SRGAP1: variants seen among roughly 807,000 people sequenced by gnomAD.
SRGAP1 encodes SLIT-ROBO Rho GTPase activating protein 1.
SRGAP1 carries 43 observed loss-of-function variants against 121.9 expected under a neutral mutation model. The ratio of observed to expected loss-of-function variants is 0.35; its 90% CI spans 0.28 to 0.46. SRGAP1 has a LOEUF of 0.46. Among genes scored for constraint, SRGAP1 ranks in the 20% least tolerant of loss-of-function variants. The probability of loss-of-function intolerance (pLI) is 1.00; values close to 1 mark genes in which losing one functional copy is unlikely to be tolerated. For synonymous variants in SRGAP1, 447 were observed against 485.4 expected, an observed-to-expected ratio of 0.92 and a Z score of 1.04; for missense variants, 1,102 against 1,350.9, an observed-to-expected ratio of 0.82 and a Z score of 2.89.
intron 1 of SRGAP1, among the ~76,000 whole-genome samples, chr12:63,963,589 G>A (rs995935651): frequency 1.2e-4 from 19 of 152,070 alleles, no homozygotes; most frequent in Non-Finnish European, 2.2e-4. Context: ...ATACAATAAT[G>A]TATTGTTAAC....
At chr12:63,969,867 A>G (rs2136390751) in intron 1 of SRGAP1, among the ~76,000 whole-genome samples, 1 of 151,822 alleles carries the variant, frequency 6.6e-6, no homozygotes, top group South Asian at 2.1e-4. Flanking sequence ...CTCTCTTGAA[A>G]TCCCACTAGA....
chr12:63,986,008 G>T (rs190743733), intron 2 of SRGAP1, among the ~76,000 whole-genome samples: 2 of 152,272 alleles, frequency 1.3e-5, no homozygotes, highest in Admixed American at 6.5e-5. Context: ...GGCTACTTGT[G>T]CAGAAGCAAA....
chr12:63,903,499 G>C (rs2030038801), intron 1 of SRGAP1, among the ~76,000 whole-genome samples: 1 of 151,972 alleles, frequency 6.6e-6, no homozygotes, highest in Non-Finnish European at 1.5e-5. Flanking sequence ...GCCTGACTCA[G>C]CCTCCCAAAG....
chr12:64,131,832 A>T (rs2036789275), intron 21 of SRGAP1, among the ~76,000 whole-genome samples: 1 of 152,212 alleles, frequency 6.6e-6, no homozygotes, highest in South Asian at 2.1e-4. Context: ...CCATGGTCAA[A>T]CGTTCAGTTT....
chr12:63,881,472 A>T (rs1352678618), intron 1 of SRGAP1, among the ~76,000 whole-genome samples: 1 of 152,214 alleles, frequency 6.6e-6, no homozygotes, highest in Non-Finnish European at 1.5e-5. Context: ...CTGACTAAAT[A>T]GTGACTTTAG....
intron 8 of SRGAP1, among the ~76,000 whole-genome samples, chr12:64,072,651 C>T (rs2035664338): frequency 6.6e-6 from 1 of 152,130 alleles, no homozygotes; most frequent in Non-Finnish European, 1.5e-5. Flanking sequence ...CCTCCCATCC[C>T]TCAGAAAGAA....
chr12:64,087,586 A>C (rs1403693879), intron 11 of SRGAP1, among the ~76,000 whole-genome samples: 8 of 151,950 alleles, frequency 5.3e-5, no homozygotes, highest in Non-Finnish European at 1.2e-4. Flanking sequence ...ATACCAAAAA[A>C]TTAGCCGGGC....
rs12370709 is a variant in SRGAP1 at position 64,003,089 on chromosome 12, T to A, written c.426+13017T>A. On this transcript the variant is annotated intron_variant, in intron 3 of 21. Coordinates refer to ENST00000355086, the MANE Select transcript of SRGAP1 (RefSeq NM_020762.4). ...AAGGGAGGGAGGGAGGAAGGGAGGG[T>A]GGGAGGGAGGGAGAAAGGAAGGGTC... Among the ~76,000 whole-genome samples the A allele has an allele frequency of 8.4e-3, 68 of 8,108 alleles. 1 individual carries two copies. Among genetic ancestry groups the A allele is most frequent in the African/African-American group, 0.017 (38 of 2,276 alleles). The allele number at this position is 8,108 out of a possible 152,430, so 5.3% of individuals were successfully genotyped here.
At chr12:64,052,220 G>C (rs925859817) in intron 6 of SRGAP1, among the ~76,000 whole-genome samples, 1 of 152,106 alleles carries the variant, frequency 6.6e-6, no homozygotes, top group Non-Finnish European at 1.5e-5. Flanking sequence ...TGTGACTGGG[G>C]AGGGGGAACT....
chr12:64,116,386 TTGCACTTCCCTGATCTGAC>T (rs1338905722), intron 18 of SRGAP1, among the ~76,000 whole-genome samples: 2 of 152,146 alleles, frequency 1.3e-5, no homozygotes, highest in Non-Finnish European at 2.9e-5. Flanking sequence ...ATTGTTTCCT[TTGCACTTCCCTGATCTGAC>T]TGCTTTACTT....
chr12:63,890,649 A>G (rs1395790341), intron 1 of SRGAP1, among the ~76,000 whole-genome samples: 2 of 152,054 alleles, frequency 1.3e-5, no homozygotes, highest in East Asian at 3.9e-4. Flanking sequence ...TGAGGAAGGA[A>G]AGGAGCCCAT....
At chr12:64,110,560 A>G (rs1387063890) in intron 16 of SRGAP1, among the ~76,000 whole-genome samples, 2 of 152,230 alleles carry the variant, frequency 1.3e-5, no homozygotes, top group Non-Finnish European at 2.9e-5. Context: ...CTTGGAAGTA[A>G]CATTTTTACA....
chr12:63,926,343 TG>T (rs1473114572), intron 1 of SRGAP1, among the ~76,000 whole-genome samples: 3 of 152,140 alleles, frequency 2.0e-5, no homozygotes, highest in Non-Finnish European at 4.4e-5. Context: ...AATACTCTCA[TG>T]GGGGATATAA....
At chr12:63,865,024 A>AC (rs1291743319) in intron 1 of SRGAP1, among the ~76,000 whole-genome samples, 3 of 152,236 alleles carry the variant, frequency 2.0e-5, no homozygotes, top group Non-Finnish European at 4.4e-5. Context: ...TCAGAGTATT[A>AC]CATTGGTGCA....
chr12:63,900,213 T>C (rs73113965), intron 1 of SRGAP1, among the ~76,000 whole-genome samples: 2 of 3,208 alleles, frequency 6.2e-4, no homozygotes, highest in Admixed American at 4.4e-3. Context: ...TCTTTTTTTT[T>C]TTTTTTTTTT....
In SRGAP1 at chr12:63,992,701, ACACACACACACACACG is replaced by A. The variant is rs2074028950; in HGVS notation, c.426+2630_426+2645del. On this transcript the variant is annotated intron_variant, in intron 3 of 21. Transcript: ENST00000355086. ...CACACACACACACACACACACACAC[ACACACACACACACACG>A]TGCAGAGAGAGAGACAGAGAGACAG... is the stretch of plus-strand genomic sequence containing the variant. Among the ~76,000 whole-genome samples, 7 of 146,952 alleles carry A rather than the reference ACACACACACACACACG, an allele frequency of 4.8e-5. No individual in the cohort carries two copies. In the South Asian group the frequency reaches 1.5e-3, roughly 32 times the overall value.
At chr12:63,957,243 TC>T (rs2032500608) in intron 1 of SRGAP1, among the ~76,000 whole-genome samples, 1 of 152,210 alleles carries the variant, frequency 6.6e-6, no homozygotes, top group Non-Finnish European at 1.5e-5. Context: ...GCCGGGGTCC[TC>T]ACCATTGCCC....
intron 3 of SRGAP1, among the ~76,000 whole-genome samples, chr12:64,006,702 G>T (rs1312953407): frequency 2.6e-5 from 4 of 152,096 alleles, no homozygotes; most frequent in Admixed American, 1.3e-4. Context: ...TGTGGCCAGA[G>T]CATAACTCTA....
At chr12:64,016,795 T>A (rs1212756674) in intron 3 of SRGAP1, among the ~76,000 whole-genome samples, 155 bp from the exon 4 acceptor site, 1 of 152,250 alleles carries the variant, frequency 6.6e-6, no homozygotes, top group Admixed American at 6.5e-5. Context: ...CTGTATACAA[T>A]GTCTAGAGTT....
Sources: allele counts gnomAD v4.1 joint callset (sites outside exome capture counted in the v4.1 genomes callset), GRCh38; gene constraint gnomAD v4.1.1; transcripts MANE v1.5; gene names NCBI Gene and HGNC (gene_info 2026-07-23, HGNC 2026-07-21).